The following WDR7 variants were observed in gnomAD, a reference collection of about 807,000 sequenced individuals.
WDR7 encodes the protein WD repeat-containing protein 7.
In WDR7, 46 loss-of-function variants were observed where a neutral mutation model predicts 169.4. The ratio of observed to expected loss-of-function variants is 0.27; its 90% CI spans 0.21 to 0.35. The LOEUF is 0.35. Ranked by LOEUF, WDR7 falls within the 10% of genes least tolerant of loss-of-function variation. WDR7 has a pLI of 1.00. For synonymous variants in WDR7, 612 were observed against 666.8 expected (o/e 0.92, Z 1.27); for missense variants, 1,534 against 1,859.3 (o/e 0.83, Z 3.22).
chr18:56,815,323 G>T (rs1335228293), intron 19 of WDR7, among the ~76,000 whole-genome samples: 2 of 152,120 alleles, frequency 1.3e-5, no homozygotes, highest in African/African-American at 4.8e-5. Flanking sequence ...GTGAAATTGA[G>T]AAATAATGTG....
At chr18:56,984,342 G>A (rs1050730798) in intron 26 of WDR7, among the ~76,000 whole-genome samples, 1 of 152,138 alleles carries the variant, frequency 6.6e-6, no homozygotes, top group Non-Finnish European at 1.5e-5. Flanking sequence ...TACAAAAACT[G>A]TTGGCAAAAT....
At chr18:56,767,422 G>T (rs960734440) in intron 16 of WDR7, among the ~76,000 whole-genome samples, 2 of 152,170 alleles carry the variant, frequency 1.3e-5, no homozygotes, top group African/African-American at 4.8e-5. Context: ...TGCTCACTTT[G>T]TTCTCCATGT....
chr18:56,858,383 G>T (rs1343180452), intron 20 of WDR7, among the ~76,000 whole-genome samples: 2 of 152,048 alleles, frequency 1.3e-5, no homozygotes, highest in Non-Finnish European at 2.9e-5. Context: ...AATTTCCGTG[G>T]CTTGTCATTG....
chr18:56,907,292 A>T (rs1025641661), intron 21 of WDR7, among the ~76,000 whole-genome samples: 5 of 146,472 alleles, frequency 3.4e-5, no homozygotes, highest in Non-Finnish European at 6.0e-5. Flanking sequence ...GCCAGAGAGT[A>T]TGTTAAGCAT....
intron 1 of WDR7, among the ~76,000 whole-genome samples, chr18:56,660,666 AAAAAAAAGAAAG>A (rs954325469): frequency 9.2e-5 from 14 of 152,046 alleles, no homozygotes; most frequent in South Asian, 6.2e-4. Flanking sequence ...GTTAAAAAAA[AAAAAAAAGAAAG>A]AAAAGAAAGA....
chr18:56,928,523 T>G (rs529842284), intron 22 of WDR7, among the ~76,000 whole-genome samples: 10 of 152,160 alleles, frequency 6.6e-5, no homozygotes, highest in Non-Finnish European at 8.8e-5. Flanking sequence ...GGGGAATAGA[T>G]TAGGGTCAGA....
intron 26 of WDR7, among the ~76,000 whole-genome samples, chr18:57,012,703 A>G (rs948629779): frequency 6.6e-6 from 1 of 152,166 alleles, no homozygotes; most frequent in Non-Finnish European, 1.5e-5. Context: ...TGTATAATAT[A>G]CATAAGACTT....
chr18:56,932,877 GTGTGTGTGT>G (rs1568273741), intron 22 of WDR7, among the ~76,000 whole-genome samples: 9,437 of 59,522 alleles, frequency 0.16, 935 homozygotes, highest in African/African-American at 0.27. Context: ...CATTCTGGGT[GTGTGTGTGT>G]GTGTGTGTGT....
chr18:57,005,218 A>T (rs1406822589), intron 26 of WDR7, among the ~76,000 whole-genome samples: 1 of 152,212 alleles, frequency 6.6e-6, no homozygotes, highest in African/African-American at 2.4e-5. Context: ...TGATGTCCTT[A>T]TCATTTCTAA....
intron 19 of WDR7, among the ~76,000 whole-genome samples, chr18:56,787,521 T>A (rs2044420746): frequency 6.6e-6 from 1 of 152,226 alleles, no homozygotes; most frequent in South Asian, 2.1e-4. Flanking sequence ...CGTATTGATG[T>A]CATCAGAAAG....
intron 18 of WDR7, 116 bp downstream of exon 18, chr18:56,779,665 A>G: frequency 1.3e-6 from 1 of 757,080 alleles, no homozygotes; most frequent in South Asian, 2.1e-5. Flanking sequence ...TCATTATGTG[A>G]TAGAAAATGT....
At chr18:57,010,334 T>C in intron 26 of WDR7, 1 of 972,354 alleles carries the variant, frequency 1.0e-6, no homozygotes, top group Non-Finnish European at 1.2e-6. Flanking sequence ...TTATTCACTA[T>C]TCTTTTATTT....
At chr18:56,902,844 A>G (rs2046421348) in intron 21 of WDR7, among the ~76,000 whole-genome samples, 1 of 152,198 alleles carries the variant, frequency 6.6e-6, no homozygotes, top group African/African-American at 2.4e-5. Flanking sequence ...AGCATAAGGA[A>G]GGTGTGACTC....
At chr18:56,943,961 G>GT (rs1287988915) in intron 25 of WDR7, among the ~76,000 whole-genome samples, 2 of 137,610 alleles carry the variant, frequency 1.5e-5, no homozygotes, top group African/African-American at 5.3e-5. Flanking sequence ...GGCTTGTAGG[G>GT]TTTTTTTGTA....
Position 56,757,166 on chromosome 18 carries a change from T to C in WDR7, c.2573T>C (p.Leu858Pro). 6.2e-7 allele frequency: 1 copy of C among 1,614,098 alleles called. No individual in the cohort carries two copies. Among genetic ancestry groups the C allele is most frequent in the Non-Finnish European group, 8.5e-7 (1 of 1,179,998 alleles). ...LPGYNQPACK[L>P]SHGKTEVGRK... ...GGTTATAATCAGCCTGCTTGTAAAC[T>C]GTCACATGGGAAAACAGAAGTAGGA... The change falls in exon 15 of 28, where the codon CTG becomes CCG. Residue 858 changes from leucine (L) to proline (P), a missense_variant. Leu to Pro is a moderately conservative substitution (Grantham distance 98). Coordinates refer to ENST00000254442, the MANE Select transcript of WDR7 (RefSeq NM_015285.3).
intron 19 of WDR7, among the ~76,000 whole-genome samples, chr18:56,805,715 A>G (rs914627590): frequency 2.0e-5 from 3 of 151,548 alleles, no homozygotes; most frequent in Non-Finnish European, 4.4e-5. Context: ...CTTTCATTGC[A>G]TAGTCACTTG....
chr18:57,029,020 G>T lies in WDR7; in HGVS notation c.*1813G>T, dbSNP rs2145962809. The T allele has an allele frequency of 6.5e-6, 1 of 152,794 alleles. No homozygotes were observed. Among genetic ancestry groups the T allele is most frequent in the Non-Finnish European group, 1.5e-5 (1 of 68,052 alleles). 9.5% of individuals were successfully genotyped at this position (152,794 alleles called of 1,614,324 possible). On this transcript the variant is annotated 3_prime_UTR_variant, in exon 28 of 28. Transcript: ENST00000254442. ...CTCACTTTGTTTTCCAGTGGGTCCA[G>T]AGTCTTCTCTATACCCAACATATGT...
chr18:56,681,025 C>T (rs963655357), intron 3 of WDR7, among the ~76,000 whole-genome samples: 44 of 152,042 alleles, frequency 2.9e-4, no homozygotes, highest in Admixed American at 2.7e-3. Context: ...GCATTGGTTC[C>T]GGCCAGAACT....
chr18:56,685,928 G>A (rs777008753), intron 5 of WDR7, 28 bp from the exon 6 acceptor site: 1 of 1,573,526 alleles, frequency 6.4e-7, no homozygotes, highest in Non-Finnish European at 8.6e-7. Flanking sequence ...CGTAACCTGG[G>A]CTGCTTTTTT....
Sources: gnomAD v4.1 joint callset for allele counts (sites outside exome capture counted in the v4.1 genomes callset) on GRCh38, gnomAD v4.1.1 for gene constraint, MANE v1.5 for transcripts, NCBI Gene and HGNC (gene_info 2026-07-23, HGNC 2026-07-21) for gene names.